The following MANBA variants were observed in gnomAD, a reference collection of about 807,000 sequenced individuals.
The protein encoded by MANBA is beta-mannosidase.
In MANBA, 83 loss-of-function variants were observed where a neutral mutation model predicts 111.1. That is an observed-to-expected ratio of 0.75 (90% CI 0.63 to 0.90). The LOEUF (loss-of-function observed/expected upper bound fraction) is 0.90, where lower values mean the gene tolerates loss of function less well. MANBA is among the 40% of genes least tolerant of loss of function. The pLI is 0.00. For synonymous variants in MANBA, 370 were observed against 378.7 expected (o/e 0.98, Z 0.27); for missense variants, 1,036 against 1,069.0 (o/e 0.97, Z 0.43).
chr4:102,684,274 G>A (rs1732110095), intron 7 of MANBA, among the ~76,000 whole-genome samples: 1 of 152,160 alleles, frequency 6.6e-6, no homozygotes, highest in Admixed American at 6.5e-5. Context: ...AGCAATAGAG[G>A]TGAAATAAGG....
chr4:102,738,265 T>C (rs1223934568), intron 1 of MANBA, among the ~76,000 whole-genome samples: 1 of 152,254 alleles, frequency 6.6e-6, no homozygotes, highest in Non-Finnish European at 1.5e-5. Context: ...ACTGAGTCTG[T>C]TCACATGACA....
chr4:102,676,966 T>C (rs1358281696), intron 7 of MANBA, among the ~76,000 whole-genome samples: 3 of 152,136 alleles, frequency 2.0e-5, no homozygotes, highest in Non-Finnish European at 4.4e-5. Context: ...GATAAAGCAG[T>C]AAACATTAAT....
intron 1 of MANBA, chr4:102,728,909 T>C: frequency 6.7e-6 from 5 of 751,712 alleles, no homozygotes; most frequent in Non-Finnish European, 1.2e-5. Context: ...CGAGCTCAGA[T>C]CACCTGCATA....
chr4:102,686,155 G>GAAAGGATTAGGAAATGTGTGA (rs1732205727), intron 7 of MANBA, among the ~76,000 whole-genome samples: 1 of 152,044 alleles, frequency 6.6e-6, no homozygotes, highest in South Asian at 2.1e-4. Flanking sequence ...GGCGCTCTGA[G>GAAAGGATTAGGAAATGTGTGA]AAAGGATTAG....
At chr4:102,648,797 C>T (rs1228970852) in intron 13 of MANBA, among the ~76,000 whole-genome samples, 1 of 152,048 alleles carries the variant, frequency 6.6e-6, no homozygotes, top group African/African-American at 2.4e-5. Flanking sequence ...TCTTTTGATA[C>T]ATGCACACAT....
intron 14 of MANBA, among the ~76,000 whole-genome samples, chr4:102,636,531 T>A (rs1729642155): frequency 6.6e-6 from 1 of 152,206 alleles, no homozygotes; most frequent in Non-Finnish European, 1.5e-5. Context: ...AGATTCTAGG[T>A]AGCTATTGAT....
intron 7 of MANBA, among the ~76,000 whole-genome samples, 190 bp from the exon 8 acceptor site, chr4:102,674,260 G>A (rs554162261): frequency 6.6e-5 from 10 of 152,102 alleles, no homozygotes; most frequent in African/African-American, 1.7e-4. Context: ...GCTAGCATCC[G>A]TTATTTCTCT....
At chr4:102,641,189 C>T (rs893917129) in intron 13 of MANBA, among the ~76,000 whole-genome samples, 7 of 152,126 alleles carry the variant, frequency 4.6e-5, no homozygotes, top group African/African-American at 1.2e-4. Context: ...GAGGGCAGAA[C>T]CTTCCAGAGA....
rs752343321 is a variant in MANBA at position 102,714,538 on chromosome 4, G to GTCCCAACTAA, written c.563_572dup (p.Trp192Ter). ...CCTGGGTAGGAAAGGAAGGCCCCCAGTCCCAACTAAAGGAACATTGCTCCT... is the reference window on the plus strand; with the variant it reads ...CCTGGGTAGGAAAGGAAGGCCCCCAGTCCCAACTAATCCCAACTAAAGGAACATTGCTCCT... On this transcript the variant is annotated stop_gained and frameshift_variant, in exon 5 of 17. Coordinates refer to ENST00000647097, the MANE Select transcript of MANBA (RefSeq NM_005908.4). LOFTEE classifies it high-confidence loss of function. 3.0e-5 allele frequency: 48 copies of GTCCCAACTAA among 1,608,676 alleles called. No individual in the cohort carries two copies. The highest frequency in any genetic ancestry group is 3.7e-5 in the Non-Finnish European group (44 of 1,175,216).
intron 5 of MANBA, among the ~76,000 whole-genome samples, chr4:102,702,759 C>G (rs1733118994): frequency 6.6e-6 from 1 of 151,780 alleles, no homozygotes; most frequent in African/African-American, 2.4e-5. Flanking sequence ...TTCTTTCTGT[C>G]ATACACAAGT....
At chr4:102,757,494 C>A (rs1724071944) in intron 1 of MANBA, among the ~76,000 whole-genome samples, 1 of 152,172 alleles carries the variant, frequency 6.6e-6, no homozygotes, top group Non-Finnish European at 1.5e-5. Context: ...TTTCATTTAA[C>A]CAGCTCAGAT....
At chr4:102,640,781 A>G (rs1307597735) in intron 13 of MANBA, among the ~76,000 whole-genome samples, 2 of 152,246 alleles carry the variant, frequency 1.3e-5, no homozygotes, top group Non-Finnish European at 2.9e-5. Context: ...AAAAGCTCAG[A>G]TAAAGGTAGA....
chr4:102,723,841 CTAA>C lies in MANBA; in HGVS notation c.378+18_378+20del. The C allele has an allele frequency of 7.1e-7, 1 of 1,401,538 alleles. No individual in the cohort carries two copies. The allele number at this position is 1,401,538 out of a possible 1,614,324, so 86.8% of individuals were successfully genotyped here. On this transcript the variant is annotated intron_variant, in intron 3 of 16. Transcript: ENST00000647097. Reference sequence around the variant, plus strand: ...TAAACACACATAAATTTTTTTTAACCTAATGTCATTATATACTTACATATCTAT... The same window carrying C: ...TAAACACACATAAATTTTTTTTAACCTGTCATTATATACTTACATATCTAT...
intron 10 of MANBA, chr4:102,665,140 G>A (rs1300066964): frequency 2.9e-6 from 1 of 341,786 alleles, no homozygotes; most frequent in Non-Finnish European, 5.5e-6. Context: ...AAAGAAAAGG[G>A]GAATGAATAA....
chr4:102,711,499 T>C (rs946130483), intron 5 of MANBA, among the ~76,000 whole-genome samples: 3 of 152,182 alleles, frequency 2.0e-5, no homozygotes, highest in Non-Finnish European at 4.4e-5. Context: ...GAAACATTTA[T>C]ACACGGTTGT....
At chr4:102,708,277 T>C (rs1733393983) in intron 5 of MANBA, among the ~76,000 whole-genome samples, 1 of 152,136 alleles carries the variant, frequency 6.6e-6, no homozygotes, top group South Asian at 2.1e-4. Context: ...CAACAAGTTT[T>C]TAAAAATTAA....
chr4:102,690,642 A>G lies in MANBA; in HGVS notation c.803T>C (p.Leu268Pro). Residue 268 changes from leucine to proline, a missense_variant, in exon 6 of 17, where the codon CTT becomes CCT. By Grantham distance (98) the Leu-to-Pro change is moderately conservative. Transcript: ENST00000647097. ...LQTQQTYSIE[L>P]QPGKRIVELF... is the part of the protein sequence containing the mutation. ...CTCAACAATCCTTTTCCCAGGTTGAAGTTCAATGCTGTATGTCTGTTGTGT... is the reference window on the plus strand; with the variant it reads ...CTCAACAATCCTTTTCCCAGGTTGAGGTTCAATGCTGTATGTCTGTTGTGT... 1 of 1,612,768 alleles carries G rather than the reference A, an allele frequency of 6.2e-7. No individual in the cohort carries two copies. Among genetic ancestry groups the G allele is most frequent in the Non-Finnish European group, 8.5e-7 (1 of 1,179,102 alleles).
chr4:102,649,526 G>T (rs77328746), intron 13 of MANBA, among the ~76,000 whole-genome samples: 4,508 of 152,200 alleles, frequency 0.03, 239 homozygotes, highest in African/African-American at 0.1. Flanking sequence ...CACATTTTCA[G>T]ATATTTATTG....
chr4:102,709,293 A>C (rs1721916366), intron 5 of MANBA, among the ~76,000 whole-genome samples: 1 of 129,010 alleles, frequency 7.8e-6, no homozygotes, highest in Non-Finnish European at 1.5e-5. Context: ...AAAGGAAGGA[A>C]GGAAGGAAGG....
Sources: gnomAD v4.1 joint callset for allele counts (sites outside exome capture counted in the v4.1 genomes callset) on GRCh38, gnomAD v4.1.1 for gene constraint, MANE v1.5 for transcripts, NCBI Gene and HGNC (gene_info 2026-07-23, HGNC 2026-07-21) for gene names.